DCC: variants seen among roughly 807,000 people sequenced by gnomAD.
The protein encoded by DCC is netrin receptor DCC.
DCC carries 58 observed loss-of-function variants against 172.5 expected under a neutral mutation model. The observed-to-expected ratio is 0.34, with a 90% confidence interval of 0.27 to 0.42. DCC has a LOEUF of 0.42. DCC is among the 10% of genes least tolerant of loss of function. The pLI is 1.00. For missense variants in DCC, 1,740 were observed against 1,791.0 expected (o/e 0.97, Z 0.51); for synonymous variants, 709 against 644.5 (o/e 1.10, Z -1.52).
At chr18:53,128,864 CACACACATATAT>C (rs1211651164) in intron 7 of DCC, among the ~76,000 whole-genome samples, 16 of 72,122 alleles carry the variant, frequency 2.2e-4, no homozygotes, top group Middle Eastern at 6.7e-3. Context: ...CACACACACA[CACACACATATAT>C]ATATATATAT....
chr18:52,990,174 T>C (rs2041361953), intron 5 of DCC, among the ~76,000 whole-genome samples: 1 of 152,152 alleles, frequency 6.6e-6, no homozygotes, highest in Admixed American at 6.6e-5. Context: ...GAGATGCTAA[T>C]TCCTAAGCAG....
intron 3 of DCC, among the ~76,000 whole-genome samples, chr18:52,917,137 CAAAA>C (rs146388621): frequency 8.9e-4 from 84 of 94,822 alleles, no homozygotes; most frequent in African/African-American, 2.8e-3. Flanking sequence ...AAAAAGAAAA[CAAAA>C]AAAAAAAAAC....
At chr18:52,798,648 GA>G (rs1207010596) in intron 2 of DCC, among the ~76,000 whole-genome samples, 1 of 152,068 alleles carries the variant, frequency 6.6e-6, no homozygotes, top group African/African-American at 2.4e-5. Flanking sequence ...GTTAGGCTAG[GA>G]AAAAAACCTG....
chr18:53,106,083 C>T (rs558846450), intron 7 of DCC, among the ~76,000 whole-genome samples: 38 of 151,748 alleles, frequency 2.5e-4, no homozygotes, highest in Non-Finnish European at 4.9e-4. Context: ...ATCAGAGCCC[C>T]CCAGTTATCA....
chr18:53,386,798 T>C (rs1908200410), intron 16 of DCC, among the ~76,000 whole-genome samples: 1 of 152,114 alleles, frequency 6.6e-6, no homozygotes, highest in Non-Finnish European at 1.5e-5. Context: ...GAGAAAGAAA[T>C]GGGTAAGATG....
At chr18:52,467,800 G>A (rs1030512297) in intron 1 of DCC, among the ~76,000 whole-genome samples, 5 of 152,136 alleles carry the variant, frequency 3.3e-5, no homozygotes, top group Non-Finnish European at 5.9e-5. Context: ...AATGACTAGT[G>A]ATGATGAGCT....
chr18:53,069,632 A>AG lies in DCC; in HGVS notation c.1261+3466_1261+3467insG, dbSNP rs1472081893. Among the ~76,000 whole-genome samples the AG allele has an allele frequency of 2.6e-5, 4 of 152,096 alleles. 1 individual carries two copies. Among genetic ancestry groups the AG allele is most frequent in the Admixed American group, 2.6e-4 (4 of 15,278 alleles). On this transcript the variant is annotated intron_variant, in intron 7 of 28. Coordinates refer to ENST00000442544, the MANE Select transcript of DCC (RefSeq NM_005215.4). ...TGCTCCACAAAAACAAAAAAAAAAAAAAAGAAGCTTGCAGAAACCTTCCAT... is the reference window on the plus strand; with the variant it reads ...TGCTCCACAAAAACAAAAAAAAAAAAGAAAGAAGCTTGCAGAAACCTTCCAT...
intron 1 of DCC, among the ~76,000 whole-genome samples, chr18:52,565,357 G>C (rs1248204233): frequency 6.6e-6 from 1 of 152,134 alleles, no homozygotes; most frequent in African/African-American, 2.4e-5. Context: ...TGTATACCCA[G>C]TAACGGGATT....
At chr18:53,250,088 T>C (rs2056411437) in intron 12 of DCC, among the ~76,000 whole-genome samples, 1 of 151,962 alleles carries the variant, frequency 6.6e-6, no homozygotes, top group African/African-American at 2.4e-5. Flanking sequence ...AATCAGACTC[T>C]TGATGCAATT....
At chr18:52,570,414 G>T (rs1568234261) in intron 1 of DCC, among the ~76,000 whole-genome samples, 1 of 152,088 alleles carries the variant, frequency 6.6e-6, no homozygotes, top group Admixed American at 6.6e-5. Context: ...ATGTTTCTGG[G>T]TTTGTTGGTT....
chr18:52,624,919 A>G (rs1211325694), intron 1 of DCC, among the ~76,000 whole-genome samples: 1 of 152,168 alleles, frequency 6.6e-6, no homozygotes, highest in South Asian at 2.1e-4. Flanking sequence ...ATGGGGATAC[A>G]TTATGAGAAA....
At chr18:53,165,526 G>T (rs1221696215) in intron 8 of DCC, among the ~76,000 whole-genome samples, 1 of 152,140 alleles carries the variant, frequency 6.6e-6, no homozygotes, top group Non-Finnish European at 1.5e-5. Context: ...TTCTGGCCCT[G>T]GCTTAAAGCT....
intron 1 of DCC, among the ~76,000 whole-genome samples, chr18:52,740,996 A>T (rs1490621187): frequency 6.6e-6 from 1 of 152,192 alleles, no homozygotes; most frequent in African/African-American, 2.4e-5. Flanking sequence ...ATTGATTCCC[A>T]GTGGTGTAGC....
At chr18:52,389,043 G>A (rs2144343935) in intron 1 of DCC, among the ~76,000 whole-genome samples, 2 of 152,178 alleles carry the variant, frequency 1.3e-5, no homozygotes, top group East Asian at 3.9e-4. Context: ...TGTGTATGGG[G>A]AAGAATATGT....
chr18:53,108,335 G>A (rs2043280346), intron 7 of DCC, among the ~76,000 whole-genome samples: 1 of 151,680 alleles, frequency 6.6e-6, no homozygotes, highest in Admixed American at 6.6e-5. Context: ...GTCCTGAATT[G>A]TATTGAAACT....
At position 52,797,440 on chromosome 18, in the gene DCC, T is replaced by C. The variant is rs148718796; in HGVS notation, c.412+45066T>C. Among the ~76,000 whole-genome samples, 3 of 152,338 alleles carry C rather than the reference T, an allele frequency of 2.0e-5. 1 individual carries two copies. The East Asian group carries it at 5.8e-4, about 29-fold the overall frequency. On this transcript the variant is annotated intron_variant, in intron 2 of 28. Coordinates refer to ENST00000442544, the MANE Select transcript of DCC (RefSeq NM_005215.4). The stretch of plus-strand genomic sequence containing the variant: ...TTTTCCTACAGATGTATTATAGTAT[T>C]GGTTAAGTAAGTTGCTTTGGCTTTG...
intron 2 of DCC, among the ~76,000 whole-genome samples, chr18:52,872,481 G>T (rs1185758251): frequency 6.6e-6 from 1 of 152,136 alleles, no homozygotes; most frequent in Non-Finnish European, 1.5e-5. Context: ...AGTTTTCAGG[G>T]CTACTTCTGT....
chr18:52,649,095 C>T (rs1166093799), intron 1 of DCC, among the ~76,000 whole-genome samples: 5 of 152,212 alleles, frequency 3.3e-5, no homozygotes, highest in South Asian at 2.1e-4. Context: ...ACTTTATGGC[C>T]GGGCGCGGTG....
intron 12 of DCC, among the ~76,000 whole-genome samples, chr18:53,227,854 G>C (rs1230722719): frequency 6.6e-6 from 1 of 151,982 alleles, no homozygotes; most frequent in Admixed American, 6.6e-5. Flanking sequence ...TTGTGTTTTA[G>C]CTGAGAGGCA....
Sources: allele counts gnomAD v4.1 joint callset (sites outside exome capture counted in the v4.1 genomes callset), GRCh38; gene constraint gnomAD v4.1.1; transcripts MANE v1.5; gene names NCBI Gene and HGNC (gene_info 2026-07-23, HGNC 2026-07-21).